Variants in MAGI2 observed in about 807,000 individuals in gnomAD.
The protein encoded by MAGI2 is membrane-associated guanylate kinase, WW and PDZ domain-containing protein 2.
A neutral mutation model predicts 133.3 loss-of-function variants in MAGI2; 35 were observed. That is an observed-to-expected ratio of 0.26 (90% CI 0.20 to 0.35). MAGI2 has a LOEUF of 0.35. Among genes scored for constraint, MAGI2 ranks in the 10% least tolerant of loss-of-function variants. MAGI2 has a pLI of 1.00. For synonymous variants in MAGI2, 729 were observed against 710.6 expected, an observed-to-expected ratio of 1.03 and a Z score of -0.41; for missense variants, 1,636 against 1,863.4, an observed-to-expected ratio of 0.88 and a Z score of 2.25.
chr7:78,405,977 C>T (rs142132138), intron 6 of MAGI2, among the ~76,000 whole-genome samples: 2 of 151,960 alleles, frequency 1.3e-5, no homozygotes, highest in Admixed American at 1.3e-4. Context: ...CATAAAACAT[C>T]AGAATTTAGT....
At chr7:78,862,530 T>C (rs1442799036) in intron 2 of MAGI2, among the ~76,000 whole-genome samples, 1 of 152,216 alleles carries the variant, frequency 6.6e-6, no homozygotes, top group Non-Finnish European at 1.5e-5. Flanking sequence ...GGATGACCAA[T>C]ATTTATAAAT....
chr7:79,414,169 T>A (rs1052737713), intron 1 of MAGI2: 1 of 152,122 alleles, frequency 6.6e-6, no homozygotes, highest in Admixed American at 6.6e-5. Flanking sequence ...GTCTTAAAGG[T>A]CATTATATCT....
intron 9 of MAGI2, among the ~76,000 whole-genome samples, chr7:78,268,832 A>G (rs1794275989): frequency 6.6e-6 from 1 of 152,156 alleles, no homozygotes; most frequent in Non-Finnish European, 1.5e-5. Flanking sequence ...CATGTGCAGA[A>G]TGTGCAGGTT....
At chr7:78,718,870 G>T (rs1646957807) in intron 2 of MAGI2, among the ~76,000 whole-genome samples, 1 of 152,110 alleles carries the variant, frequency 6.6e-6, no homozygotes, top group African/African-American at 2.4e-5. Context: ...ATTCACTGGG[G>T]ACATACGGTT....
rs1818844787 is a variant in MAGI2, at chr7:78,107,795, G to A, written c.3567+17899C>T. On this transcript the variant is annotated intron_variant, in intron 20 of 21. Coordinates refer to ENST00000354212, the MANE Select transcript of MAGI2 (RefSeq NM_012301.4). ...GTTTATTAGTATATAGCTATTCATA[G>A]TAATCTCTAATAATCCTTTATATTT... Among the ~76,000 whole-genome samples the A allele has an allele frequency of 2.6e-5, 4 of 150,994 alleles. No homozygotes were observed. The South Asian group carries it at 8.5e-4, about 32-fold the overall frequency.
intron 1 of MAGI2, among the ~76,000 whole-genome samples, chr7:79,391,564 C>CATATATATATATATATATATATATAT (rs1563180784): frequency 8.1e-5 from 4 of 49,512 alleles, no homozygotes; most frequent in African/African-American, 6.6e-4. Flanking sequence ...TATATATATA[C>CATATATATATATATATATATATATAT]ACACTTTACT....
chr7:78,304,075 A>G (rs562565141), intron 9 of MAGI2, among the ~76,000 whole-genome samples: 58 of 152,246 alleles, frequency 3.8e-4, no homozygotes, highest in African/African-American at 1.3e-3. Context: ...TTCTTAGCAC[A>G]TCCATCTATT....
intron 18 of MAGI2, among the ~76,000 whole-genome samples, chr7:78,129,187 C>T (rs547143205): frequency 7.3e-5 from 11 of 151,272 alleles, no homozygotes; most frequent in Admixed American, 2.6e-4. Context: ...CAAAGTAATA[C>T]AAACGAGTAA....
chr7:79,451,534 C>T (rs948135736), intron 1 of MAGI2, among the ~76,000 whole-genome samples: 1 of 152,126 alleles, frequency 6.6e-6, no homozygotes, highest in Non-Finnish European at 1.5e-5. Context: ...TTATAATAAC[C>T]TATCTCAATT....
chr7:78,651,597 A>T (rs1413926901), intron 2 of MAGI2, among the ~76,000 whole-genome samples: 1 of 152,158 alleles, frequency 6.6e-6, no homozygotes, highest in East Asian at 1.9e-4. Context: ...TTTGATAATC[A>T]GATATCAAAG....
At chr7:78,738,080 T>C (rs1352564618) in intron 2 of MAGI2, among the ~76,000 whole-genome samples, 8 of 152,104 alleles carry the variant, frequency 5.3e-5, no homozygotes, top group Non-Finnish European at 5.9e-5. Context: ...ACCATAAGTT[T>C]ATTATTATTG....
rs147263871 is a variant in MAGI2, at chr7:78,547,920, C to G, written c.539-26275G>C. 6.6e-5 allele frequency among the ~76,000 whole-genome samples: 10 copies of G among 152,322 alleles called. No individual in the cohort carries two copies. The East Asian group carries it at 1.7e-3, about 26-fold the overall frequency. ...TAGAGGGCACATTTCAATGGACTGACCTTAGGAACTGGTGAGTACAGTTTG... is the reference window on the plus strand; with the variant it reads ...TAGAGGGCACATTTCAATGGACTGAGCTTAGGAACTGGTGAGTACAGTTTG... On this transcript the variant is annotated intron_variant, in intron 3 of 21. Transcript: ENST00000354212.
At chr7:78,672,668 T>C (rs1033532588) in intron 2 of MAGI2, among the ~76,000 whole-genome samples, 2 of 152,192 alleles carry the variant, frequency 1.3e-5, no homozygotes, top group East Asian at 3.8e-4. Flanking sequence ...CAAAGTGTGG[T>C]TCTCACAGGC....
intron 1 of MAGI2, among the ~76,000 whole-genome samples, chr7:79,049,248 C>A (rs767587106): frequency 5.3e-5 from 8 of 152,110 alleles, no homozygotes; most frequent in Non-Finnish European, 1.2e-4. Flanking sequence ...TCAAATACTA[C>A]TAGGAAATCA....
intron 2 of MAGI2, among the ~76,000 whole-genome samples, chr7:78,628,019 C>T (rs2150956738): frequency 6.6e-6 from 1 of 152,264 alleles, no homozygotes; most frequent in East Asian, 1.9e-4. Flanking sequence ...CCATCACCCA[C>T]AGAGGGAATG....
chr7:78,373,949 A>T (rs1319594048), intron 6 of MAGI2, among the ~76,000 whole-genome samples: 1 of 152,182 alleles, frequency 6.6e-6, no homozygotes, highest in Admixed American at 6.5e-5. Context: ...GTGTGGCTGC[A>T]TAGTATTCCA....
intron 3 of MAGI2, among the ~76,000 whole-genome samples, chr7:78,540,312 C>A (rs778150313): frequency 6.6e-6 from 1 of 152,084 alleles, no homozygotes; most frequent in East Asian, 1.9e-4. Flanking sequence ...TCCTCCCAGG[C>A]GGATTATGGC....
intron 4 of MAGI2, among the ~76,000 whole-genome samples, chr7:78,517,872 A>G (rs1381638456): frequency 1.3e-5 from 2 of 152,148 alleles, no homozygotes; most frequent in Admixed American, 1.3e-4. Context: ...TTTCGATAAC[A>G]TTGATAATGT....
In MAGI2 at chr7:78,694,963, C is replaced by T. The variant is rs953779049; in HGVS notation, c.419-67724G>A. Among the ~76,000 whole-genome samples the T allele has an allele frequency of 4.1e-4, 62 of 152,062 alleles. 1 individual carries two copies. The highest frequency in any genetic ancestry group is 4.1e-4 in the South Asian group (2 of 4,828). ...CTCCTGGTCCAGGCGTGGTGGCTCA[C>T]GCCTGTAATCCCAGCACTTTGGGAG... On this transcript the variant is annotated intron_variant, in intron 2 of 21. Transcript: ENST00000354212.
Sources: gnomAD v4.1 joint callset for allele counts (sites outside exome capture counted in the v4.1 genomes callset) on GRCh38, gnomAD v4.1.1 for gene constraint, MANE v1.5 for transcripts, NCBI Gene and HGNC (gene_info 2026-07-23, HGNC 2026-07-21) for gene names.